RAPGEF6: variants seen among roughly 807,000 people sequenced by gnomAD.
RAPGEF6 encodes the protein PDZ domain containing guanine nucleotide exchange factor (GEF) 2.
A neutral mutation model predicts 171.4 loss-of-function variants in RAPGEF6; 56 were observed. The observed-to-expected ratio is 0.33, with a 90% confidence interval of 0.26 to 0.41. RAPGEF6 has a LOEUF of 0.41. Among genes scored for constraint, RAPGEF6 ranks in the 10% least tolerant of loss-of-function variants. The probability of loss-of-function intolerance (pLI) is 1.00; values close to 1 mark genes in which losing one functional copy is unlikely to be tolerated. For synonymous variants in RAPGEF6, 692 were observed against 650.1 expected (o/e 1.06, Z -0.98); for missense variants, 1,674 against 1,921.4 (o/e 0.87, Z 2.41).
At chr5:131,567,311 T>A (rs1233672290) in intron 4 of RAPGEF6, among the ~76,000 whole-genome samples, 1 of 152,182 alleles carries the variant, frequency 6.6e-6, no homozygotes, top group African/African-American at 2.4e-5. Flanking sequence ...GATTTCCACT[T>A]GAACCTTCCT....
rs537150880 is a variant in RAPGEF6, at chr5:131,513,478, T to A, written c.628-2987A>T. Among the ~76,000 whole-genome samples the A allele has an allele frequency of 8.7e-4, 132 of 152,318 alleles. 1 individual carries two copies. Among genetic ancestry groups the A allele is most frequent in the Non-Finnish European group, 1.5e-3 (99 of 68,026 alleles). On this transcript the variant is annotated intron_variant, in intron 7 of 27. Transcript: ENST00000509018. ...CTGGTCTCATTCCCATATTTTAGAT[T>A]ATGTTGGATAAAAAGATAGATGGCT...
rs76588468 is a variant in RAPGEF6 at position 131,563,422 on chromosome 5, G to A, written c.282-1375C>T. Among the ~76,000 whole-genome samples the A allele has an allele frequency of 7.4e-3, 1,128 of 152,228 alleles. 14 individuals are homozygous for A. The highest frequency in any genetic ancestry group is 0.026 in the African/African-American group (1,095 of 41,542). On this transcript the variant is annotated intron_variant, in intron 4 of 27. Coordinates refer to ENST00000509018, the MANE Select transcript of RAPGEF6 (RefSeq NM_016340.6). ...AAAATGTCAATTTCCCAAAGTATAA[G>A]GTTCTATACAAATAACAGTTAATAA...
chr5:131,536,157 G>A (rs1407771699), intron 6 of RAPGEF6, among the ~76,000 whole-genome samples: 1 of 152,074 alleles, frequency 6.6e-6, no homozygotes, highest in East Asian at 1.9e-4. Context: ...AGTTATATTT[G>A]GTTTTTGAAA....
At position 131,433,231 on chromosome 5, in the gene RAPGEF6, A is replaced by C. The variant is rs562171974; in HGVS notation, c.3974+199T>G. ...AGTTACTTGAATTTAGTAACACTTT[A>C]AAAATGAACACCCATACATCTTTCA... is the stretch of plus-strand genomic sequence containing the variant. On this transcript the variant is annotated intron_variant, in intron 25 of 27. Transcript: ENST00000509018. Among the ~76,000 whole-genome samples, 4 of 152,364 alleles carry C rather than the reference A, an allele frequency of 2.6e-5. No individual in the cohort carries two copies. In the East Asian group the frequency reaches 7.7e-4, roughly 29 times the overall value.
chr5:131,446,683 G>C lies in RAPGEF6; in HGVS notation c.3221C>G (p.Thr1074Arg), dbSNP rs1752724405. The change falls in exon 22 of 28, where the codon ACA becomes AGA. Residue 1074 changes from threonine (T) to arginine (R), a missense_variant. Thr to Arg is a moderately conservative substitution (Grantham distance 71). This residue lies in a region of RAPGEF6 where 1,116 missense variants were observed against 1,321.5 expected (regional missense o/e 0.84). Transcript: ENST00000509018. ...CTGAACATCCAGCATGTTTGAATTT[G>C]TGCTTCCTTGACTCAGTGACCTATA... Reference protein sequence around the residue: ...FRQRSLSQGSTNSNMLDVQGG... With the variant: ...FRQRSLSQGSRNSNMLDVQGG... 1.2e-6 allele frequency: 2 copies of C among 1,613,946 alleles called. No individual in the cohort carries two copies. Among genetic ancestry groups the C allele is most frequent in the Non-Finnish European group, 1.7e-6 (2 of 1,179,924 alleles).
At chr5:131,466,243 T>C (rs528440010) in intron 17 of RAPGEF6, among the ~76,000 whole-genome samples, 1 of 152,278 alleles carries the variant, frequency 6.6e-6, no homozygotes, top group African/African-American at 2.4e-5. Context: ...CTTCATCTAC[T>C]CTGGTTCCTT....
At chr5:131,491,952 G>C (rs1057269495) in intron 14 of RAPGEF6, among the ~76,000 whole-genome samples, 1 of 152,182 alleles carries the variant, frequency 6.6e-6, no homozygotes, top group Non-Finnish European at 1.5e-5. Flanking sequence ...ACAGGATTGA[G>C]AGAAGCCTGA....
intron 19 of RAPGEF6, among the ~76,000 whole-genome samples, chr5:131,458,239 T>C (rs571353852): frequency 5.3e-5 from 8 of 152,300 alleles, no homozygotes; most frequent in African/African-American, 1.9e-4. Context: ...GACTGGGTCA[T>C]GGAGGCAGAT....
chr5:131,575,408 T>C (rs1580605276), intron 4 of RAPGEF6, among the ~76,000 whole-genome samples: 1 of 152,190 alleles, frequency 6.6e-6, no homozygotes, highest in African/African-American at 2.4e-5. Context: ...CAAAGAAGTA[T>C]CGCGTATCCC....
chr5:131,475,084 T>C (rs1032540271), intron 16 of RAPGEF6, among the ~76,000 whole-genome samples: 4 of 152,198 alleles, frequency 2.6e-5, no homozygotes, highest in Non-Finnish European at 5.9e-5. Context: ...GAATGCTCAA[T>C]AGAGAAAACA....
At chr5:131,540,254 C>G (rs1408053572) in intron 6 of RAPGEF6, among the ~76,000 whole-genome samples, 1 of 152,190 alleles carries the variant, frequency 6.6e-6, no homozygotes, top group African/African-American at 2.4e-5. Context: ...AACACTCATA[C>G]AGGCACACTG....
At chr5:131,440,138 G>A in intron 23 of RAPGEF6, 1 of 442,688 alleles carries the variant, frequency 2.3e-6, no homozygotes, top group South Asian at 1.6e-5. Context: ...TGTTGGCACT[G>A]TCACTACCTG....
At chr5:131,634,038 G>T (rs1159037161) in intron 1 of RAPGEF6, among the ~76,000 whole-genome samples, 1 of 152,094 alleles carries the variant, frequency 6.6e-6, no homozygotes, top group Non-Finnish European at 1.5e-5. Context: ...TAATTGTCAC[G>T]ACCCAAAAGG....
At chr5:131,561,836 C>A in intron 5 of RAPGEF6, 142 bp downstream of exon 5, 1 of 616,128 alleles carries the variant, frequency 1.6e-6, no homozygotes, top group Non-Finnish European at 2.8e-6. Flanking sequence ...ATAGATAAAC[C>A]TGGTAGATAG....
rs188600127 is a variant in RAPGEF6, at chr5:131,535,451, T to G, written c.495+12596A>C. Reference sequence around the variant, plus strand: ...AGAATTTTATCACGATCTCATCTCATTATCTTATCAATTCAAATGAATTAA... The same window carrying G: ...AGAATTTTATCACGATCTCATCTCAGTATCTTATCAATTCAAATGAATTAA... On this transcript the variant is annotated intron_variant, in intron 6 of 27. Transcript: ENST00000509018. 2.6e-4 allele frequency among the ~76,000 whole-genome samples: 40 copies of G among 152,268 alleles called. 1 individual carries two copies. Among genetic ancestry groups the G allele is most frequent in the Admixed American group, 2.6e-3 (40 of 15,270 alleles).
intron 4 of RAPGEF6, among the ~76,000 whole-genome samples, chr5:131,567,138 A>G (rs959968751): frequency 1.3e-5 from 2 of 151,224 alleles, no homozygotes; most frequent in Non-Finnish European, 1.5e-5. Flanking sequence ...AAATTTCTTT[A>G]GGATGTTAAT....
At position 131,525,843 on chromosome 5, in the gene RAPGEF6, A is replaced by C. The variant is rs1758837208; in HGVS notation, c.496-4322T>G. Among the ~76,000 whole-genome samples the C allele has an allele frequency of 1.3e-5, 2 of 152,170 alleles. 1 individual carries two copies. The highest frequency in any genetic ancestry group is 4.1e-4 in the South Asian group (2 of 4,826). On this transcript the variant is annotated intron_variant, in intron 6 of 27. Coordinates refer to ENST00000509018, the MANE Select transcript of RAPGEF6 (RefSeq NM_016340.6). ...TTCATAAAAGTAACACAATGAACCA[A>C]AGCCAGAAGTCTCCCAAGTGGCTTC...
At position 131,446,476 on chromosome 5, in the gene RAPGEF6, T is replaced by G; in HGVS notation, c.3421+7A>C. ...TTAGCGTCACATAAATGAAAACTTG[T>G]ACTCACAGGTACCATATGCAGGCTC... is the stretch of plus-strand genomic sequence containing the variant. On this transcript the variant is annotated splice_region_variant and intron_variant, in intron 22 of 27. Coordinates refer to ENST00000509018, the MANE Select transcript of RAPGEF6 (RefSeq NM_016340.6). 1 of 1,606,536 alleles carries G rather than the reference T, an allele frequency of 6.2e-7. No homozygotes were observed. The highest frequency in any genetic ancestry group is 8.5e-7 in the Non-Finnish European group (1 of 1,176,172).
At chr5:131,585,172 C>A (rs1297867881) in intron 4 of RAPGEF6, among the ~76,000 whole-genome samples, 2 of 151,978 alleles carry the variant, frequency 1.3e-5, no homozygotes, top group Admixed American at 6.6e-5. Context: ...ATCTAGGTAT[C>A]CCTATGGAAA....
Sources: gnomAD v4.1 joint callset for allele counts (sites outside exome capture counted in the v4.1 genomes callset) on GRCh38, gnomAD v4.1.1 for gene constraint, gnomAD v4.1.1 regional missense constraint, MANE v1.5 for transcripts, NCBI Gene and HGNC (gene_info 2026-07-23, HGNC 2026-07-21) for gene names.